RPGRIP1L: variants seen among roughly 807,000 people sequenced by gnomAD.
RPGRIP1L encodes RPGRIP1 like, also known as protein fantom.
A neutral mutation model predicts 160.4 loss-of-function variants in RPGRIP1L; 131 were observed. The observed-to-expected ratio is 0.82, with a 90% CI of 0.71 to 0.94. RPGRIP1L has a LOEUF of 0.94. RPGRIP1L is among the 40% of genes least tolerant of loss of function. The pLI, the probability that RPGRIP1L is intolerant of heterozygous loss-of-function variation, is 0.00. For missense variants in RPGRIP1L, 1,522 were observed against 1,535.8 expected (o/e 0.99, Z 0.15); for synonymous variants, 510 against 515.8 (o/e 0.99, Z 0.15).
At chr16:53,602,321 TATCTAAAGAATAA>T (rs1963418611) in intron 26 of RPGRIP1L, 133 bp from the exon 27 acceptor site, 1 of 701,436 alleles carries the variant, frequency 1.4e-6, no homozygotes, top group Non-Finnish European at 2.6e-6. Flanking sequence ...GCATCTTGGG[TATCTAAAGAATAA>T]ACCTTGTCAC....
chr16:53,638,284 A>G, intron 20 of RPGRIP1L, 26 bp downstream of exon 20: 1 of 1,348,836 alleles, frequency 7.4e-7, no homozygotes, highest in Non-Finnish European at 1.1e-6. Context: ...TAAACCTTCC[A>G]AAATAATTTT....
At chr16:53,702,265 A>G (rs573405784) in intron 1 of RPGRIP1L, among the ~76,000 whole-genome samples, 1 of 152,346 alleles carries the variant, frequency 6.6e-6, no homozygotes, top group East Asian at 1.9e-4. Context: ...GTGGTAGTTG[A>G]AAGTATTAAT....
At position 53,650,061 on chromosome 16, in the gene RPGRIP1L, GACTT is replaced by G. The variant is rs375643790; in HGVS notation, c.2153-950_2153-947del. The stretch of plus-strand genomic sequence containing the variant: ...ATCATTCTCATCAGCATACAAATGT[GACTT>G]ACTATCTGCCTGCTATAGTTTGAAT... On this transcript the variant is annotated intron_variant, in intron 15 of 26. Transcript: ENST00000647211. Among the ~76,000 whole-genome samples the G allele has an allele frequency of 1.2e-3, 187 of 152,110 alleles. 3 individuals are homozygous for G. The highest frequency in any genetic ancestry group is 7.7e-3 in the East Asian group (40 of 5,180).
Position 53,658,712 on chromosome 16 carries a change from T to C in RPGRIP1L, c.1350+60A>G, listed in dbSNP as rs1598345248. 16 of 1,120,396 alleles carry C rather than the reference T, an allele frequency of 1.4e-5. No individual in the cohort carries two copies. The East Asian group carries it at 2.5e-4, about 18-fold the overall frequency. 69.4% of individuals were successfully genotyped at this position (1,120,396 alleles called of 1,614,324 possible). ...GCTTTGTAGTATAGTGCTTTCTCTA[T>C]GCATAAAATATTGAGATAAAAATTC... is the stretch of plus-strand genomic sequence containing the variant. On this transcript the variant is annotated intron_variant, in intron 11 of 26. Transcript: ENST00000647211.
intron 9 of RPGRIP1L, among the ~76,000 whole-genome samples, chr16:53,666,566 ATGTGTGTG>A (rs112955038): frequency 1.5e-5 from 2 of 136,716 alleles, no homozygotes; most frequent in Non-Finnish European, 3.2e-5. Context: ...GAGTACATCT[ATGTGTGTG>A]TGTGTGTGTG....
intron 9 of RPGRIP1L, among the ~76,000 whole-genome samples, chr16:53,669,315 A>C (rs926905925): frequency 6.6e-6 from 1 of 152,054 alleles, no homozygotes; most frequent in African/African-American, 2.4e-5. Flanking sequence ...TGTTACATTA[A>C]TTTTTCTTTT....
At chr16:53,690,218 G>A (rs1392301978) in intron 4 of RPGRIP1L, among the ~76,000 whole-genome samples, 1 of 152,022 alleles carries the variant, frequency 6.6e-6, no homozygotes, top group Non-Finnish European at 1.5e-5. Context: ...TTATTTTTGA[G>A]ACTTAGTCTC....
At chr16:53,629,356 CG>C in intron 22 of RPGRIP1L, among the ~76,000 whole-genome samples, 1 of 152,194 alleles carries the variant, frequency 6.6e-6, no homozygotes, top group South Asian at 2.1e-4. Flanking sequence ...TGATAAAACA[CG>C]GATTGGTGGA....
intron 15 of RPGRIP1L, 128 bp downstream of exon 15, chr16:53,652,407 G>T: frequency 2.7e-6 from 2 of 749,938 alleles, no homozygotes; most frequent in South Asian, 3.1e-5. Flanking sequence ...TTAACTGTGG[G>T]TAAAGAATGT....
At chr16:53,691,853 T>C (rs1970403387) in intron 4 of RPGRIP1L, among the ~76,000 whole-genome samples, 1 of 152,226 alleles carries the variant, frequency 6.6e-6, no homozygotes, top group African/African-American at 2.4e-5. Context: ...ATTAAGGTTA[T>C]GTGGAATGTT....
chr16:53,683,840 G>A (rs1457644454), intron 6 of RPGRIP1L, among the ~76,000 whole-genome samples: 1 of 152,046 alleles, frequency 6.6e-6, no homozygotes, highest in African/African-American at 2.4e-5. Context: ...AGAAGAATGG[G>A]AAATAAAATA....
chr16:53,615,997 A>C (rs760392732), intron 24 of RPGRIP1L, among the ~76,000 whole-genome samples: 1 of 152,180 alleles, frequency 6.6e-6, no homozygotes, highest in Non-Finnish European at 1.5e-5. Flanking sequence ...ACTAGTCTGC[A>C]TCTCTCATTT....
chr16:53,701,942 G>C (rs188130937), intron 1 of RPGRIP1L: 27 of 152,220 alleles, frequency 1.8e-4, no homozygotes, highest in African/African-American at 4.6e-4. Flanking sequence ...ACAAATCCTT[G>C]GGAGATCATC....
At position 53,672,911 on chromosome 16, in the gene RPGRIP1L, G is replaced by A. The variant is rs771058410; in HGVS notation, c.988C>T (p.Gln330Ter). The part of the protein sequence containing the change: ...QRLKCCSLEK[Q>*]LHSMKFSERR... Reference sequence around the variant, plus strand: ...TCAGAAAACTTCATAGAATGTAATTGTTTCTCAAGACTGCAGCATTTTAAA... The same window carrying A: ...TCAGAAAACTTCATAGAATGTAATTATTTCTCAAGACTGCAGCATTTTAAA... The change falls in exon 8 of 27, where the codon CAA becomes TAA. Residue 330 changes from glutamine (Q) to a stop codon, truncating the protein, a stop_gained. Coordinates refer to ENST00000647211, the MANE Select transcript of RPGRIP1L (RefSeq NM_015272.5). LOFTEE classifies it high-confidence loss of function. 1 of 1,613,062 alleles carries A rather than the reference G, an allele frequency of 6.2e-7. No homozygotes were observed. Among genetic ancestry groups the A allele is most frequent in the East Asian group, 2.2e-5 (1 of 44,818 alleles).
At chr16:53,666,829 C>T (rs902219734) in intron 9 of RPGRIP1L, among the ~76,000 whole-genome samples, 3 of 152,026 alleles carry the variant, frequency 2.0e-5, no homozygotes, top group African/African-American at 4.8e-5. Flanking sequence ...AACAATTTAG[C>T]GGCCTGGGTT....
intron 6 of RPGRIP1L, among the ~76,000 whole-genome samples, 192 bp from the exon 7 acceptor site, chr16:53,675,314 A>C (rs1969071783): frequency 6.6e-6 from 1 of 152,186 alleles, no homozygotes; most frequent in South Asian, 2.1e-4. Flanking sequence ...ACCAATAATC[A>C]TTCCTGAACT....
At chr16:53,637,626 T>C in intron 21 of RPGRIP1L, 69 bp downstream of exon 21, 15 of 1,354,996 alleles carry the variant, frequency 1.1e-5, no homozygotes, top group Non-Finnish European at 1.4e-5. Flanking sequence ...TGTTCTATGA[T>C]GCATACTCTA....
rs1178795038 is a variant in RPGRIP1L, at chr16:53,658,611, A to G, written c.1351-147T>C. The stretch of plus-strand genomic sequence containing the variant: ...GTCTACAAGACATTCCAGTGCTTCA[A>G]AATGTCCCTATGGAACATAAACTAC... On this transcript the variant is annotated intron_variant, in intron 11 of 26. Coordinates refer to ENST00000647211, the MANE Select transcript of RPGRIP1L (RefSeq NM_015272.5). The G allele has an allele frequency of 9.3e-6, 8 of 863,668 alleles. No homozygotes were observed. The East Asian group carries it at 1.6e-4, about 17-fold the overall frequency. 53.5% of individuals were successfully genotyped at this position (863,668 alleles called of 1,614,324 possible).
At chr16:53,633,091 A>G (rs1206481977) in intron 22 of RPGRIP1L, among the ~76,000 whole-genome samples, 5 of 152,228 alleles carry the variant, frequency 3.3e-5, no homozygotes, top group Non-Finnish European at 7.3e-5. Flanking sequence ...TTAGCACATA[A>G]CAGGCATTCA....
Sources: gnomAD v4.1 joint callset for allele counts (sites outside exome capture counted in the v4.1 genomes callset) on GRCh38, gnomAD v4.1.1 for gene constraint, MANE v1.5 for transcripts, NCBI Gene and HGNC (gene_info 2026-07-23, HGNC 2026-07-21) for gene names.